Variants in QRFPR observed in about 807,000 individuals in gnomAD.
QRFPR encodes the protein pyroglutamylated RFamide peptide receptor, also known as pyroglutamylated RF-amide peptide receptor.
Under a neutral mutation model 31.3 loss-of-function variants are expected in QRFPR, and 37 were observed. The ratio of observed to expected loss-of-function variants is 1.18; its 90% CI spans 0.91 to 1.56. The LOEUF (loss-of-function observed/expected upper bound fraction) is 1.56, where lower values mean the gene tolerates loss of function less well. Among genes scored for constraint, QRFPR ranks in the 40% most tolerant of loss-of-function variants. The pLI, the probability that QRFPR is intolerant of heterozygous loss-of-function variation, is 0.00. For synonymous variants in QRFPR, 197 were observed against 192.0 expected (o/e 1.03, Z -0.22); for missense variants, 542 against 532.5 (o/e 1.02, Z -0.18).
At chr4:121,330,803 C>G (rs1413248062) in intron 4 of QRFPR, among the ~76,000 whole-genome samples, 2 of 152,066 alleles carry the variant, frequency 1.3e-5, no homozygotes, top group African/African-American at 4.8e-5. Context: ...TTGATAGATG[C>G]AGAAATTGAG....
chr4:121,368,090 T>A (rs993543710), intron 1 of QRFPR, among the ~76,000 whole-genome samples: 4 of 149,830 alleles, frequency 2.7e-5, no homozygotes, highest in African/African-American at 9.9e-5. Context: ...TTGTACACAG[T>A]GAGGAGAAAT....
intron 1 of QRFPR, among the ~76,000 whole-genome samples, chr4:121,352,245 G>C (rs1725774079): frequency 6.6e-6 from 1 of 152,026 alleles, no homozygotes; most frequent in South Asian, 2.1e-4. Context: ...TCAGAGGTAG[G>C]GCAGTAACAG....
intron 1 of QRFPR, among the ~76,000 whole-genome samples, chr4:121,357,837 A>G (rs991306844): frequency 6.6e-6 from 1 of 152,146 alleles, no homozygotes; most frequent in African/African-American, 2.4e-5. Context: ...ACTGCTTCCA[A>G]CTGAAGAGGT....
chr4:121,343,784 G>A (rs1725592386), intron 1 of QRFPR, among the ~76,000 whole-genome samples: 1 of 152,028 alleles, frequency 6.6e-6, no homozygotes, highest in African/African-American at 2.4e-5. Flanking sequence ...CCAAACAAAA[G>A]AAAATTTTTG....
chr4:121,335,586 GGGGC>G (rs1560733551), intron 3 of QRFPR, among the ~76,000 whole-genome samples: 11,896 of 61,914 alleles, frequency 0.19, 1,147 homozygotes, highest in East Asian at 0.57. Context: ...GGTGGGGGGT[GGGGC>G]GGGGAGAGGA....
Position 121,329,468 on chromosome 4 carries a change from T to G in QRFPR, c.1142A>C (p.Asn381Thr). The G allele has an allele frequency of 1.9e-6, 3 of 1,614,190 alleles. No homozygotes were observed. Among genetic ancestry groups the G allele is most frequent in the Non-Finnish European group, 1.7e-6 (2 of 1,180,022 alleles). ...RKKAKFSLRE[N>T]PVEETKGEAF... ...TTCTCCTTTGGTTTCCTCCACTGGA[T>G]TCTCTCTGAGGGAAAACTTTGCTTT... The change falls in exon 6 of 6, where the codon AAT becomes ACT. Residue 381 changes from asparagine to threonine, a missense_variant. Physicochemically the swap from Asn to Thr is moderately conservative, Grantham distance 65. Transcript: ENST00000394427.
At chr4:121,332,618 T>C (rs779454440) in intron 4 of QRFPR, among the ~76,000 whole-genome samples, 12 of 152,238 alleles carry the variant, frequency 7.9e-5, no homozygotes, top group Non-Finnish European at 1.8e-4. Context: ...AACTTCCCAG[T>C]TGATTTGCGA....
chr4:121,336,947 T>G, intron 2 of QRFPR, 79 bp from the exon 3 acceptor site: 1 of 1,293,346 alleles, frequency 7.7e-7, no homozygotes, highest in Non-Finnish European at 1.1e-6. Context: ...ACCCTCAAGA[T>G]TCCCTATGAG....
Position 121,328,957 on chromosome 4 carries a change from T to C in QRFPR, c.*357A>G, listed in dbSNP as rs182203774. 0.026 allele frequency: 4,072 copies of C among 158,876 alleles called. 114 individuals carry two copies. Among genetic ancestry groups the C allele is most frequent in the East Asian group, 0.16 (850 of 5,386 alleles). 9.8% of individuals were successfully genotyped at this position (158,876 alleles called of 1,614,324 possible). The stretch of plus-strand genomic sequence containing the variant: ...TTTTAGCAGAGATGGGGTTTCACCG[T>C]GTTAGCCAGGATGGTTTTGATCTCC... On this transcript the variant is annotated 3_prime_UTR_variant, in exon 6 of 6. Coordinates refer to ENST00000394427, the MANE Select transcript of QRFPR (RefSeq NM_198179.3).
chr4:121,361,835 G>T (rs1297743625), intron 1 of QRFPR, among the ~76,000 whole-genome samples: 4 of 150,104 alleles, frequency 2.7e-5, no homozygotes, highest in African/African-American at 9.9e-5. Context: ...GACATGTAGT[G>T]CTGGAAGCAA....
At chr4:121,373,550 A>G (rs1343826082) in intron 1 of QRFPR, among the ~76,000 whole-genome samples, 1 of 152,194 alleles carries the variant, frequency 6.6e-6, no homozygotes, top group Non-Finnish European at 1.5e-5. Context: ...TGACTTTTTA[A>G]GCCCCACAAT....
chr4:121,353,666 TTTTCAC>T (rs1454436456), intron 1 of QRFPR, among the ~76,000 whole-genome samples: 2 of 152,090 alleles, frequency 1.3e-5, no homozygotes, highest in Non-Finnish European at 2.9e-5. Context: ...GTGGGTTACG[TTTTCAC>T]TTTGTTGACC....
intron 1 of QRFPR, 94 bp from the exon 2 acceptor site, chr4:121,340,704 A>G: frequency 8.2e-7 from 1 of 1,220,490 alleles, no homozygotes; most frequent in Non-Finnish European, 1.1e-6. Flanking sequence ...GTCCATTCTG[A>G]GCCTCTGCCA....
chr4:121,375,982 AAGG>A (rs1463080506), intron 1 of QRFPR, among the ~76,000 whole-genome samples: 1 of 152,166 alleles, frequency 6.6e-6, no homozygotes, highest in African/African-American at 2.4e-5. Context: ...AAAAGATAAA[AAGG>A]AGGAAAAAAC....
intron 3 of QRFPR, among the ~76,000 whole-genome samples, chr4:121,335,578 T>TG (rs773427893): frequency 2.6e-3 from 11 of 4,276 alleles, no homozygotes; most frequent in Admixed American, 8.3e-3. Context: ...GTATGGGGGG[T>TG]GGGGGGTGGG....
At chr4:121,339,679 G>T (rs1407050131) in intron 2 of QRFPR, among the ~76,000 whole-genome samples, 1 of 152,068 alleles carries the variant, frequency 6.6e-6, no homozygotes, top group Non-Finnish European at 1.5e-5. Flanking sequence ...GCTCACACCG[G>T]TAATCCTAGC....
chr4:121,342,706 C>T (rs1285068132), intron 1 of QRFPR, among the ~76,000 whole-genome samples: 1 of 139,140 alleles, frequency 7.2e-6, no homozygotes, highest in South Asian at 2.2e-4. Flanking sequence ...TAATTTTTGT[C>T]TATTTTTTTC....
Position 121,380,298 on chromosome 4 carries a change from C to A in QRFPR, c.340+10G>T, listed in dbSNP as rs1343110427. 6.3e-7 allele frequency: 1 copy of A among 1,597,902 alleles called. No individual in the cohort carries two copies. Among genetic ancestry groups the A allele is most frequent in the Non-Finnish European group, 8.5e-7 (1 of 1,170,112 alleles). ...AGAGAAGGAGCGAAGGAGCGGGGCG[C>A]GACTCTTACCCCCCAGCCAGTTGTC... On this transcript the variant is annotated intron_variant, in intron 1 of 5. Coordinates refer to ENST00000394427, the MANE Select transcript of QRFPR (RefSeq NM_198179.3).
At chr4:121,342,936 C>T (rs1306860346) in intron 1 of QRFPR, among the ~76,000 whole-genome samples, 1 of 152,182 alleles carries the variant, frequency 6.6e-6, no homozygotes, top group Non-Finnish European at 1.5e-5. Flanking sequence ...CAAACAGTGG[C>T]TCCACATGTA....
Sources: allele counts gnomAD v4.1 joint callset (sites outside exome capture counted in the v4.1 genomes callset), GRCh38; gene constraint gnomAD v4.1.1; transcripts MANE v1.5; gene names NCBI Gene and HGNC (gene_info 2026-07-23, HGNC 2026-07-21).